PCOLCE2: variants seen among roughly 807,000 people sequenced by gnomAD.
The protein encoded by PCOLCE2 is procollagen C-endopeptidase enhancer 2.
A neutral mutation model predicts 47.0 loss-of-function variants in PCOLCE2; 42 were observed. That is an observed-to-expected ratio of 0.89 (90% CI 0.70 to 1.16). The LOEUF (loss-of-function observed/expected upper bound fraction) is 1.16. Among genes scored for constraint, PCOLCE2 ranks in the 50% most tolerant of loss-of-function variants. PCOLCE2 has a pLI of 0.00. For missense variants in PCOLCE2, 500 were observed against 526.1 expected, an observed-to-expected ratio of 0.95 and a Z score of 0.49; for synonymous variants, 169 against 191.7, an observed-to-expected ratio of 0.88 and a Z score of 0.98.
At chr3:142,887,546 A>T in intron 2 of PCOLCE2, 123 bp downstream of exon 2, 2 of 633,162 alleles carry the variant, frequency 3.2e-6, no homozygotes, top group Non-Finnish European at 5.7e-6. Flanking sequence ...GGGTAAATCC[A>T]ACATTTCACT....
At position 142,845,286 on chromosome 3, in the gene PCOLCE2, G is replaced by A. The variant is rs115999062; in HGVS notation, c.449-2238C>T. ...ACTTAGAGTTAATATTGTACTTCAC[G>A]TGTTGTATATGTATGTGCAACAGTG... On this transcript the variant is annotated intron_variant, in intron 3 of 8. Transcript: ENST00000295992. Among the ~76,000 whole-genome samples the A allele has an allele frequency of 2.4e-3, 364 of 152,156 alleles. 4 individuals are homozygous for A. The highest frequency in any genetic ancestry group is 8.3e-3 in the African/African-American group (344 of 41,526).
At chr3:142,857,856 C>A (rs1933094635) in intron 2 of PCOLCE2, among the ~76,000 whole-genome samples, 2 of 152,232 alleles carry the variant, frequency 1.3e-5, no homozygotes, top group Admixed American at 1.3e-4. Flanking sequence ...TCCTCAGAAT[C>A]ATAGGGTACT....
chr3:142,855,019 G>A (rs187042572), intron 2 of PCOLCE2, among the ~76,000 whole-genome samples: 1 of 152,168 alleles, frequency 6.6e-6, no homozygotes, highest in African/African-American at 2.4e-5. Flanking sequence ...CCTCCGAGCT[G>A]GTTCCCACCT....
chr3:142,828,385 G>A (rs1345276931), intron 6 of PCOLCE2, among the ~76,000 whole-genome samples: 4 of 152,204 alleles, frequency 2.6e-5, no homozygotes, highest in African/African-American at 7.2e-5. Flanking sequence ...TAAATTAAAA[G>A]TTCAGTTCCT....
intron 3 of PCOLCE2, among the ~76,000 whole-genome samples, chr3:142,846,895 C>T (rs1937334114): frequency 6.6e-6 from 1 of 152,160 alleles, no homozygotes; most frequent in Admixed American, 6.5e-5. Flanking sequence ...AATCCTGAAA[C>T]AAACATGTAA....
intron 2 of PCOLCE2, among the ~76,000 whole-genome samples, chr3:142,852,986 G>A (rs902039421): frequency 8.6e-5 from 13 of 151,094 alleles, no homozygotes; most frequent in Non-Finnish European, 1.9e-4. Context: ...CATGCCTGTA[G>A]TCCCAGCTAC....
At chr3:142,827,172 C>T in intron 6 of PCOLCE2, 2 of 1,394,368 alleles carry the variant, frequency 1.4e-6, no homozygotes. Flanking sequence ...ACCCATTTTG[C>T]AGCCAGCAGG....
rs747577646 is a variant in PCOLCE2, at chr3:142,848,445, T to G, written c.220A>C (p.Asn74His). The change falls in exon 3 of 9, where the codon AAT (asparagine) becomes CAT (histidine). Residue 74 changes from asparagine (N) to histidine (H), a missense_variant. Transcript: ENST00000295992. ...TVPEGKVVVL[N>H]FRFIDLESDN... Reference sequence around the variant, plus strand: ...CTCTCGAGGTCTATGAATCGGAAATTGAGAACGACTACTTTTCCTTCGGGA... The same window carrying G: ...CTCTCGAGGTCTATGAATCGGAAATGGAGAACGACTACTTTTCCTTCGGGA... 1.9e-6 allele frequency: 3 copies of G among 1,600,832 alleles called. No individual in the cohort carries two copies. The highest frequency in any genetic ancestry group is 2.6e-6 in the Non-Finnish European group (3 of 1,169,450).
intron 5 of PCOLCE2, among the ~76,000 whole-genome samples, chr3:142,835,341 A>G (rs1937191092): frequency 6.6e-6 from 1 of 152,160 alleles, no homozygotes. Flanking sequence ...TATAGCAACT[A>G]TTTCTGGTAA....
At chr3:142,873,036 T>C (rs1933424901) in intron 2 of PCOLCE2, among the ~76,000 whole-genome samples, 1 of 152,220 alleles carries the variant, frequency 6.6e-6, no homozygotes, top group African/African-American at 2.4e-5. Flanking sequence ...AATTATGATA[T>C]AATCTCATCT....
intron 1 of PCOLCE2, 34 bp downstream of exon 1, chr3:142,888,780 G>A (rs1261868576): frequency 1.5e-6 from 2 of 1,319,384 alleles, no homozygotes; most frequent in Non-Finnish European, 2.0e-6. Flanking sequence ...GAAGGGAAAG[G>A]AGAGAAAGGG....
At chr3:142,838,418 A>G (rs1020617958) in intron 5 of PCOLCE2, among the ~76,000 whole-genome samples, 2 of 152,018 alleles carry the variant, frequency 1.3e-5, no homozygotes, top group Admixed American at 6.5e-5. Flanking sequence ...TGGTCATTTA[A>G]AAGCATGTGG....
chr3:142,827,391 A>G, intron 6 of PCOLCE2: 1 of 1,561,308 alleles, frequency 6.4e-7, no homozygotes, highest in South Asian at 1.1e-5. Context: ...CTGTTGGCTG[A>G]GGAGACAACC....
chr3:142,819,066 A>G (rs1936984314), intron 8 of PCOLCE2, among the ~76,000 whole-genome samples: 1 of 152,164 alleles, frequency 6.6e-6, no homozygotes, highest in Admixed American at 6.5e-5. Flanking sequence ...GTTGTCTTGA[A>G]CTTTAATCAA....
At chr3:142,821,101 C>T in intron 7 of PCOLCE2, 56 bp from the exon 8 acceptor site, 1 of 1,356,374 alleles carries the variant, frequency 7.4e-7, no homozygotes, top group Non-Finnish European at 1.0e-6. Flanking sequence ...GCAAGCAGAA[C>T]TGAAAAACAA....
At chr3:142,833,289 A>G (rs1937170685) in intron 5 of PCOLCE2, among the ~76,000 whole-genome samples, 1 of 152,032 alleles carries the variant, frequency 6.6e-6, no homozygotes, top group Non-Finnish European at 1.5e-5. Context: ...TCTGGGTTCA[A>G]GGGAACCTCC....
intron 6 of PCOLCE2, chr3:142,827,709 G>T: frequency 2.0e-6 from 2 of 993,348 alleles, no homozygotes; most frequent in South Asian, 1.4e-5. Flanking sequence ...GGCGCGCTGT[G>T]ACCCGAGTTG....
Position 142,879,253 on chromosome 3 carries a change from G to GAA in PCOLCE2, c.192+8414_192+8415dup, listed in dbSNP as rs1252090036. ...ATGTTATTAAAGAGAATCCCTTTCA[G>GAA]AAAAAAAAAATACATGAAGACTTCA... On this transcript the variant is annotated intron_variant, in intron 2 of 8. Transcript: ENST00000295992. Among the ~76,000 whole-genome samples the GAA allele has an allele frequency of 2.8e-3, 415 of 147,856 alleles. 1 individual carries two copies. Among genetic ancestry groups the GAA allele is most frequent in the African/African-American group, 9.9e-3 (401 of 40,550 alleles).
intron 2 of PCOLCE2, among the ~76,000 whole-genome samples, chr3:142,879,840 G>A (rs1933574562): frequency 6.6e-6 from 1 of 151,912 alleles, no homozygotes; most frequent in Non-Finnish European, 1.5e-5. Context: ...CGTGGTGGGG[G>A]GGCGCCTGTA....
Sources: gnomAD v4.1 joint callset for allele counts (sites outside exome capture counted in the v4.1 genomes callset) on GRCh38, gnomAD v4.1.1 for gene constraint, MANE v1.5 for transcripts, NCBI Gene and HGNC (gene_info 2026-07-23, HGNC 2026-07-21) for gene names.